NUP107: variants seen among roughly 807,000 people sequenced by gnomAD.
The protein encoded by NUP107 is nucleoporin 107.
A neutral mutation model predicts 141.0 loss-of-function variants in NUP107; 101 were observed. That is an observed-to-expected ratio of 0.72 (90% CI 0.61 to 0.84). NUP107 has a LOEUF of 0.84. Among genes scored for constraint, NUP107 ranks in the 40% least tolerant of loss-of-function variants. The probability of loss-of-function intolerance (pLI) is 0.00; values close to 1 mark genes in which losing one functional copy is unlikely to be tolerated. For missense variants in NUP107, 941 were observed against 1,102.7 expected, an observed-to-expected ratio of 0.85 and a Z score of 2.08; for synonymous variants, 319 against 363.9, an observed-to-expected ratio of 0.88 and a Z score of 1.41.
In NUP107 at chr12:68,733,584, G is replaced by T; in HGVS notation, c.2234G>T (p.Arg745Leu). ...PLPAEDDNAI[R>L]EHLCIRAYLE... ...CCTGCTGAAGATGATAATGCTATCCGAGAACATTTGTGCATCAGAGCTTAT... is the reference window on the plus strand; with the variant it reads ...CCTGCTGAAGATGATAATGCTATCCTAGAACATTTGTGCATCAGAGCTTAT... The change falls in exon 24 of 28, where the codon CGA (arginine) becomes CTA (leucine). Residue 745 changes from arginine (R) to leucine (L), a missense_variant. By Grantham distance (102) the Arg-to-Leu change is moderately radical (BLOSUM62 -2). Transcript: ENST00000229179. 1 of 1,611,422 alleles carries T rather than the reference G, an allele frequency of 6.2e-7. No homozygotes were observed. The highest frequency in any genetic ancestry group is 8.5e-7 in the Non-Finnish European group (1 of 1,178,540).
intron 6 of NUP107, 108 bp from the exon 7 acceptor site, chr12:68,700,618 T>C (rs1037639161): frequency 1.5e-6 from 1 of 657,328 alleles, no homozygotes; most frequent in African/African-American, 1.9e-5. Flanking sequence ...AATTTTATAA[T>C]ATATACTTAT....
At chr12:68,732,902 C>G (rs989066197) in intron 23 of NUP107, 163 bp downstream of exon 23, 1 of 432,642 alleles carries the variant, frequency 2.3e-6, no homozygotes, top group Admixed American at 3.9e-5. Context: ...AGGCGGGTCT[C>G]GAACTCCTGG....
intron 10 of NUP107, among the ~76,000 whole-genome samples, chr12:68,711,562 A>G (rs2136020089): frequency 6.6e-6 from 1 of 152,172 alleles, no homozygotes; most frequent in Admixed American, 6.6e-5. Flanking sequence ...ATTAGAATTA[A>G]TGGATAGATA....
At chr12:68,728,297 A>C (rs543393819) in intron 20 of NUP107, among the ~76,000 whole-genome samples, 6 of 151,930 alleles carry the variant, frequency 3.9e-5, no homozygotes, top group Admixed American at 1.3e-4. Flanking sequence ...AAAAAAAAAA[A>C]AAAAAACAAT....
chr12:68,699,621 A>C (rs1203143372), intron 6 of NUP107, among the ~76,000 whole-genome samples: 1 of 152,140 alleles, frequency 6.6e-6, no homozygotes, highest in Non-Finnish European at 1.5e-5. Context: ...TACAGATAAC[A>C]CTTTTATGAA....
chr12:68,714,140 A>C (rs780858201), intron 11 of NUP107: 8 of 198,322 alleles, frequency 4.0e-5, no homozygotes, highest in Middle Eastern at 1.8e-3. Context: ...CAAGTGAAAA[A>C]AAACTAAAGC....
chr12:68,727,750 A>G (rs971065641), intron 20 of NUP107, among the ~76,000 whole-genome samples: 3 of 152,172 alleles, frequency 2.0e-5, no homozygotes, highest in African/African-American at 7.2e-5. Context: ...GGACCCCCAC[A>G]TATAACAAAA....
intron 8 of NUP107, among the ~76,000 whole-genome samples, chr12:68,707,963 G>T (rs1313352956): frequency 6.6e-6 from 1 of 151,938 alleles, no homozygotes; most frequent in Non-Finnish European, 1.5e-5. Context: ...AGGTGTGGTG[G>T]CAGGCACCTC....
intron 26 of NUP107, among the ~76,000 whole-genome samples, chr12:68,739,557 G>T (rs1011779409): frequency 6.6e-6 from 1 of 152,208 alleles, no homozygotes; most frequent in Admixed American, 6.5e-5. Flanking sequence ...GCACTACATG[G>T]GGGGGCGCGG....
Position 68,742,543 on chromosome 12 carries a change from T to A in NUP107, c.*81T>A. ...TACTTGTTATTAGTAATTTTTTCTT[T>A]TGCATTACCATGTAAAATTTAGACA... On this transcript the variant is annotated 3_prime_UTR_variant, in exon 28 of 28. Coordinates refer to ENST00000229179, the MANE Select transcript of NUP107 (RefSeq NM_020401.4). 1.4e-6 allele frequency: 1 copy of A among 705,022 alleles called. No individual in the cohort carries two copies. The highest frequency in any genetic ancestry group is 2.3e-6 in the Non-Finnish European group (1 of 433,900). 43.7% of individuals were successfully genotyped at this position (705,022 alleles called of 1,614,324 possible). A position where few individuals can be genotyped will look rare whatever the true frequency, so the allele number is the denominator to read the frequency against.
intron 3 of NUP107, chr12:68,689,979 A>C (rs1875700081): frequency 1.2e-5 from 2 of 169,140 alleles, no homozygotes; most frequent in Non-Finnish European, 2.5e-5. Flanking sequence ...CCAGGAGTTC[A>C]AGACTAGCTT....
intron 14 of NUP107, 60 bp downstream of exon 14, chr12:68,719,714 T>G: frequency 8.3e-7 from 1 of 1,198,776 alleles, no homozygotes; most frequent in Non-Finnish European, 1.2e-6. Flanking sequence ...GAAAGCCTAT[T>G]CAGGGGCTGT....
chr12:68,721,074 A>G, intron 14 of NUP107, 44 bp from the exon 15 acceptor site: 1 of 1,328,306 alleles, frequency 7.5e-7, no homozygotes, highest in African/African-American at 1.5e-5. Flanking sequence ...TGACATACTA[A>G]GAAAAACAAT....
chr12:68,733,916 A>C (rs1877955699), intron 24 of NUP107, among the ~76,000 whole-genome samples: 1 of 152,140 alleles, frequency 6.6e-6, no homozygotes, highest in African/African-American at 2.4e-5. Context: ...TTTTTTCAAT[A>C]ACTGAGAAAA....
chr12:68,721,955 G>A lies in NUP107; in HGVS notation c.1426G>A (p.Glu476Lys), dbSNP rs759854005. Reference protein sequence around the residue: ...QTSVATLDETEELPREYLGAN... With the variant: ...QTSVATLDETKELPREYLGAN... ...ATCAGTAGCAACTCTGGATGAAACTGAAGAACTCCCTAGAGAATATCTGGG... is the reference window on the plus strand; with the variant it reads ...ATCAGTAGCAACTCTGGATGAAACTAAAGAACTCCCTAGAGAATATCTGGG... The change falls in exon 16 of 28, where the codon GAA becomes AAA. Residue 476 changes from glutamate (E) to lysine (K), a missense_variant. Coordinates refer to ENST00000229179, the MANE Select transcript of NUP107 (RefSeq NM_020401.4). The A allele has an allele frequency of 4.3e-6, 7 of 1,613,958 alleles. No individual in the cohort carries two copies. Among genetic ancestry groups the A allele is most frequent in the Middle Eastern group, 1.6e-4 (1 of 6,062 alleles).
In NUP107 at chr12:68,742,025, T is replaced by C. The variant is rs375850234; in HGVS notation, c.2670+45T>C. 3.6e-5 allele frequency: 50 copies of C among 1,399,098 alleles called. No homozygotes were observed. In the African/African-American group the frequency reaches 5.2e-4, roughly 15 times the overall value. 86.7% of individuals were successfully genotyped at this position (1,399,098 alleles called of 1,614,324 possible). On this transcript the variant is annotated intron_variant, in intron 27 of 27. Coordinates refer to ENST00000229179, the MANE Select transcript of NUP107 (RefSeq NM_020401.4). ...AGTTTTAAATTTTAATGATTTGATA[T>C]GCTCTGTAGTAATATTAATTTTGTG...
chr12:68,726,249 A>G (rs1877559533), intron 18 of NUP107, among the ~76,000 whole-genome samples: 3 of 152,150 alleles, frequency 2.0e-5, no homozygotes, highest in Admixed American at 2.0e-4. Flanking sequence ...TAATCTTGAT[A>G]AATATTAACC....
intron 26 of NUP107, among the ~76,000 whole-genome samples, chr12:68,741,240 T>C (rs890414321): frequency 2.0e-5 from 3 of 152,170 alleles, no homozygotes; most frequent in African/African-American, 7.2e-5. Context: ...GAATGCCAAT[T>C]GTTTTTTCTG....
At chr12:68,716,275 C>T (rs1401846851) in intron 12 of NUP107, among the ~76,000 whole-genome samples, 1 of 132,864 alleles carries the variant, frequency 7.5e-6, no homozygotes, top group Non-Finnish European at 1.5e-5. Context: ...ATCTCACTGT[C>T]GCCTAGACTG....
Sources: gnomAD v4.1 joint callset for allele counts (sites outside exome capture counted in the v4.1 genomes callset) on GRCh38, gnomAD v4.1.1 for gene constraint, MANE v1.5 for transcripts, NCBI Gene and HGNC (gene_info 2026-07-23, HGNC 2026-07-21) for gene names.